The following TMEM35B variants were observed in gnomAD, a reference collection of about 807,000 sequenced individuals.
The protein encoded by TMEM35B is transmembrane protein 35B, also known as ZMYM6 neighbor protein.
TMEM35B carries 6 observed loss-of-function variants against 8.7 expected under a neutral mutation model. The ratio of observed to expected loss-of-function variants is 0.69; its 90% CI spans 0.38 to 1.36. TMEM35B has a LOEUF of 1.36. Ranked by LOEUF, TMEM35B falls within the 40% of genes most tolerant of loss-of-function variation. TMEM35B has a pLI of 0.02. For synonymous variants in TMEM35B, 89 were observed against 87.0 expected (o/e 1.02, Z -0.13); for missense variants, 176 against 181.6 (o/e 0.97, Z 0.18).
exon 3 of TMEM35B, chr1:34,982,085 T>C: frequency 6.5e-7 from 1 of 1,548,504 alleles, no homozygotes; most frequent in East Asian, 2.4e-5. Flanking sequence ...AGGTGCTTAG[T>C]GACTCTTTCA....
chr1:34,983,793 T>A (rs745682345), exon 2 of TMEM35B: 8 of 1,538,394 alleles, frequency 5.2e-6, no homozygotes, highest in Non-Finnish European at 6.1e-6. Context: ...CAAGAACAAG[T>A]TACTGATCTC....
rs1287387626 is a variant in TMEM35B, at chr1:34,983,876, G to GT, written c.179dup (p.Asn60LysfsTer29). The GT allele has an allele frequency of 6.5e-7, 1 of 1,544,432 alleles. No individual in the cohort carries two copies. Among genetic ancestry groups the GT allele is most frequent in the African/African-American group, 1.4e-5 (1 of 72,868 alleles). ...CCAGAAAGCCCACAGCTATTTGGTA[G>GT]TTCAGGGGATCTGGCTGGTAGCCAA... On this transcript the variant is annotated frameshift_variant, in exon 2 of 3. Coordinates refer to ENST00000373337, the Ensembl canonical transcript of TMEM35B. LOFTEE classifies it high-confidence loss of function.
intron 2 of TMEM35B, among the ~76,000 whole-genome samples, chr1:34,982,880 C>T (rs1234468758): frequency 6.6e-6 from 1 of 152,186 alleles, no homozygotes; most frequent in Non-Finnish European, 1.5e-5. Context: ...ATGGGAGAAG[C>T]TCCAGAGATG....
intron 1 of TMEM35B, among the ~76,000 whole-genome samples, chr1:34,984,308 T>C (rs968366429): frequency 6.6e-6 from 1 of 152,210 alleles, no homozygotes; most frequent in Non-Finnish European, 1.5e-5. Flanking sequence ...TGGTTTCTCT[T>C]AAGGCTGCTG....
At chr1:34,985,167 C>T (rs1322253846) in intron 1 of TMEM35B, 31 bp downstream of exon 1, 17 of 1,506,916 alleles carry the variant, frequency 1.1e-5, no homozygotes, top group Non-Finnish European at 1.5e-5. Context: ...GCCGCGGGCC[C>T]GATCCCCTGC....
At chr1:34,985,111 G>T (rs931374810) in intron 1 of TMEM35B, 87 bp downstream of exon 1, 1 of 1,064,420 alleles carries the variant, frequency 9.4e-7, no homozygotes, top group Non-Finnish European at 1.3e-6. Flanking sequence ...GCCCGAAGGC[G>T]GCCTGCCGGG....
chr1:34,984,625 C>T (rs559947798), intron 1 of TMEM35B, among the ~76,000 whole-genome samples: 1 of 152,272 alleles, frequency 6.6e-6, no homozygotes, highest in Admixed American at 6.5e-5. Context: ...GAGTCTGGAA[C>T]TAGACAGAAG....
intron 2 of TMEM35B, among the ~76,000 whole-genome samples, 182 bp from the exon 3 acceptor site, chr1:34,982,301 G>T (rs1300260487): frequency 6.6e-6 from 1 of 151,972 alleles, no homozygotes; most frequent in African/African-American, 2.4e-5. Flanking sequence ...GAGAAAGCAG[G>T]ACCAGGAAAT....
intron 2 of TMEM35B, 147 bp from the exon 3 acceptor site, chr1:34,982,266 A>G: frequency 1.6e-6 from 1 of 607,682 alleles, no homozygotes. Flanking sequence ...TCCCAAAACT[A>G]GCGGCATTCA....
At chr1:34,982,232 A>AC (rs1640514592) in intron 2 of TMEM35B, 113 bp from the exon 3 acceptor site, 2 of 821,008 alleles carry the variant, frequency 2.4e-6, no homozygotes, top group Admixed American at 6.4e-5. Context: ...CCCATTAAAC[A>AC]CCCCCACCAC....
chr1:34,982,527 C>T (rs1640518829), intron 2 of TMEM35B, among the ~76,000 whole-genome samples: 1 of 150,280 alleles, frequency 6.7e-6, no homozygotes, highest in Non-Finnish European at 1.5e-5. Flanking sequence ...GCGTGATCTC[C>T]TGCCAGCCTT....
chr1:34,983,264 C>G lies in TMEM35B; in HGVS notation c.289+503G>C, dbSNP rs144035193. ...GGTACACTTAACATGTGATAATGTT[C>G]TAGCACATTAAGTTTAAAAAGTACC... is the stretch of plus-strand genomic sequence containing the variant. On this transcript the variant is annotated intron_variant, in intron 2 of 2. Coordinates refer to ENST00000373337, the Ensembl canonical transcript of TMEM35B. 3.3e-5 allele frequency among the ~76,000 whole-genome samples: 5 copies of G among 152,246 alleles called. No homozygotes were observed. The East Asian group carries it at 5.8e-4, about 18-fold the overall frequency.
chr1:34,982,238 ACCAC>A (rs1324015589), intron 2 of TMEM35B, 119 bp from the exon 3 acceptor site: 38 of 765,836 alleles, frequency 5.0e-5, no homozygotes, highest in Non-Finnish European at 7.0e-5. Flanking sequence ...AAACACCCCC[ACCAC>A]TCCTAACGCA....
At chr1:34,984,302 T>G (rs1640539766) in intron 1 of TMEM35B, among the ~76,000 whole-genome samples, 1 of 152,202 alleles carries the variant, frequency 6.6e-6, no homozygotes, top group South Asian at 2.1e-4. Context: ...CTGGCCTGGT[T>G]TCTCTTAAGG....
chr1:34,984,500 G>A (rs1270788863), intron 1 of TMEM35B, among the ~76,000 whole-genome samples: 1 of 152,216 alleles, frequency 6.6e-6, no homozygotes, highest in East Asian at 1.9e-4. Flanking sequence ...GCTCTAAGCT[G>A]TCTGTCTCTG....
chr1:34,985,200 T>A, exon 1 of TMEM35B: 1 of 1,534,934 alleles, frequency 6.5e-7, no homozygotes, highest in Non-Finnish European at 8.8e-7. Context: ...CCGCTCACCA[T>A]CCGCTCCGAA....
intron 1 of TMEM35B, 39 bp downstream of exon 1, chr1:34,985,159 C>A (rs1276159081): frequency 7.4e-6 from 11 of 1,485,946 alleles, no homozygotes; most frequent in Non-Finnish European, 9.9e-6. Context: ...CACACGCCGC[C>A]GCGGGCCCGA....
chr1:34,985,284 G>A (rs1318413310), exon 1 of TMEM35B: 75 of 1,539,176 alleles, frequency 4.9e-5, no homozygotes, highest in Non-Finnish European at 6.5e-5. Context: ...AGTACACGCA[G>A]CACCGAAAGC....
chr1:34,982,088 CTCTT>C lies in TMEM35B; in HGVS notation c.317_320del (p.Lys106SerfsTer3), dbSNP rs1230932534. 2 of 1,548,156 alleles carry C rather than the reference CTCTT, an allele frequency of 1.3e-6. No individual in the cohort carries two copies. The highest frequency in any genetic ancestry group is 1.7e-6 in the Non-Finnish European group (2 of 1,146,568). On this transcript the variant is annotated frameshift_variant, in exon 3 of 3. Coordinates refer to ENST00000373337, the Ensembl canonical transcript of TMEM35B. LOFTEE classifies it low-confidence loss of function (END_TRUNC). ...TGGCTGGGATACAGGTGCTTAGTGACTCTTTCAGAGCTGCCAAGGTGAAGATAGC... is the reference window on the plus strand; with the variant it reads ...TGGCTGGGATACAGGTGCTTAGTGACTCAGAGCTGCCAAGGTGAAGATAGC...
Sources: allele counts gnomAD v4.1 joint callset (sites outside exome capture counted in the v4.1 genomes callset), GRCh38; gene constraint gnomAD v4.1.1; transcripts MANE v1.5; gene names NCBI Gene and HGNC (gene_info 2026-07-23, HGNC 2026-07-21).